ARHGAP30: variants seen among roughly 807,000 people sequenced by gnomAD.
The protein encoded by ARHGAP30 is rho GTPase-activating protein 30.
ARHGAP30 carries 23 observed loss-of-function variants against 72.0 expected under a neutral mutation model. The observed-to-expected ratio is 0.32, with a 90% confidence interval of 0.23 to 0.45. The LOEUF (loss-of-function observed/expected upper bound fraction) is 0.45. Ranked by LOEUF, ARHGAP30 falls within the 20% of genes least tolerant of loss-of-function variation. The pLI, the probability that ARHGAP30 is intolerant of heterozygous loss-of-function variation, is 1.00. For synonymous variants in ARHGAP30, 576 were observed against 528.2 expected, an observed-to-expected ratio of 1.09 and a Z score of -1.24; for missense variants, 1,319 against 1,383.4, an observed-to-expected ratio of 0.95 and a Z score of 0.74.
chr1:161,069,750 T>A lies in ARHGAP30; in HGVS notation c.-126A>T. Reference sequence around the variant, plus strand: ...GCCCCAGGGGGGCAGGGCTCCCAATTGGGGGTGGAGGGTGGCCTGGGCAAC... The same window carrying A: ...GCCCCAGGGGGGCAGGGCTCCCAATAGGGGGTGGAGGGTGGCCTGGGCAAC... On this transcript the variant is annotated 5_prime_UTR_variant, in exon 1 of 12. Coordinates refer to ENST00000368013, the MANE Select transcript of ARHGAP30 (RefSeq NM_001025598.2). The surrounding 1 kb of genome is among the most constrained non-coding windows in gnomAD (Gnocchi z 4.9). 9.5e-7 allele frequency: 1 copy of A among 1,052,742 alleles called. No individual in the cohort carries two copies. Among genetic ancestry groups the A allele is most frequent in the African/African-American group, 1.6e-5 (1 of 62,378 alleles). The allele number at this position is 1,052,742 out of a possible 1,614,324, so 65.2% of individuals were successfully genotyped here. A position where few individuals can be genotyped will look rare whatever the true frequency, so the allele number is the denominator to read the frequency against.
At chr1:161,055,668 C>T (rs1051925568) in intron 3 of ARHGAP30, among the ~76,000 whole-genome samples, 2 of 151,550 alleles carry the variant, frequency 1.3e-5, no homozygotes, top group African/African-American at 4.9e-5. Context: ...GCGGGCTCTC[C>T]AGCTACTCGG....
At chr1:161,062,739 G>GA (rs1482233084) in intron 1 of ARHGAP30, among the ~76,000 whole-genome samples, 2 of 150,988 alleles carry the variant, frequency 1.3e-5, no homozygotes, top group Non-Finnish European at 3.0e-5. Flanking sequence ...AAAAAAAAAA[G>GA]AAAAAAAGCA....
At chr1:161,052,017 ACCACCACC>A (rs1557920873) in intron 9 of ARHGAP30, among the ~76,000 whole-genome samples, 1 of 63,508 alleles carries the variant, frequency 1.6e-5, no homozygotes, top group Non-Finnish European at 3.0e-5. Context: ...CACCACCACC[ACCACCACC>A]ACCACCACCA....
rs1369464089 is a variant in ARHGAP30 at position 161,052,518 on chromosome 1, T to C, written c.862A>G (p.Lys288Glu). The C allele has an allele frequency of 6.2e-7, 1 of 1,613,994 alleles. No homozygotes were observed. The stretch of plus-strand genomic sequence containing the variant: ...CCTAAATTGAAGATAGACCTCCACT[T>C]CCTGACCTTCAAAGACCCCTTCCTC... ...HKRKGSLKVR[K>E]WRSIFNLGRS... is the part of the protein sequence containing the mutation. Residue 288 changes from lysine (K) to glutamate (E), a missense_variant, in exon 8 of 12, where the codon AAG (lysine) becomes GAG (glutamate). Physicochemically the swap from Lys to Glu is moderately conservative, Grantham distance 56. Transcript: ENST00000368013.
intron 1 of ARHGAP30, among the ~76,000 whole-genome samples, chr1:161,064,742 G>A (rs1652559423): frequency 1.4e-5 from 2 of 143,276 alleles, no homozygotes; most frequent in Admixed American, 7.3e-5. Context: ...CGGCAACAGA[G>A]TAAGACAAGA....
chr1:161,053,462 T>TTCTCTCTC (rs57196073), intron 5 of ARHGAP30, 77 bp from the exon 6 acceptor site: 14,688 of 686,834 alleles, frequency 0.021, 282 homozygotes, highest in Admixed American at 0.036. Flanking sequence ...AAATACCTTA[T>TTCTCTCTC]TCTCTCTCTC....
At chr1:161,062,544 C>A (rs1458683266) in intron 1 of ARHGAP30, among the ~76,000 whole-genome samples, 3 of 151,972 alleles carry the variant, frequency 2.0e-5, no homozygotes, top group South Asian at 4.1e-4. Flanking sequence ...GCCTGGCCAA[C>A]ATAGCAAAAC....
In ARHGAP30 at chr1:161,054,101, T is replaced by C. The variant is rs557045332; in HGVS notation, c.536+265A>G. ...ACAAAAAATTGATATGGAACTGTTA[T>C]GTTCCAGTCCCTGAGCTCAGTGACA... On this transcript the variant is annotated intron_variant, in intron 5 of 11. Transcript: ENST00000368013. 5.3e-5 allele frequency among the ~76,000 whole-genome samples: 8 copies of C among 152,274 alleles called. No individual in the cohort carries two copies. In the East Asian group the frequency reaches 9.7e-4, roughly 18 times the overall value.
rs1040805202 is a variant in ARHGAP30, at chr1:161,069,811, C to T, written c.-187G>A. On this transcript the variant is annotated 5_prime_UTR_variant, in exon 1 of 12. The change creates a new upstream start codon in the 5' untranslated region. Transcript: ENST00000368013. The surrounding 1 kb of genome is among the most constrained non-coding windows in gnomAD (Gnocchi z 4.9). ...TCCTGCCCCTGGGGCCCCGGCCACA[C>T]GGAAGTGGCTGTTGAAGAGGAAGCT... 5.0e-6 allele frequency: 3 copies of T among 602,556 alleles called. No individual in the cohort carries two copies. The highest frequency in any genetic ancestry group is 3.0e-5 in the Admixed American group (1 of 33,650). The allele number at this position is 602,556 out of a possible 1,614,324, so 37.3% of individuals were successfully genotyped here. A position where few individuals can be genotyped will look rare whatever the true frequency, so the allele number is the denominator to read the frequency against.
chr1:161,056,614 G>A lies in ARHGAP30; in HGVS notation c.201-82C>T, dbSNP rs574656580. On this transcript the variant is annotated intron_variant, in intron 2 of 11. Coordinates refer to ENST00000368013, the MANE Select transcript of ARHGAP30 (RefSeq NM_001025598.2). ...TGGGTCCCTATAGAGATGGGTCCCG[G>A]CATGGTCGTGGGTCAACATGTGTTG... 8 of 1,468,620 alleles carry A rather than the reference G, an allele frequency of 5.4e-6. No homozygotes were observed. The Admixed American group carries it at 1.2e-4, about 22-fold the overall frequency. 91.0% of individuals were successfully genotyped at this position (1,468,620 alleles called of 1,614,324 possible).
intron 1 of ARHGAP30, among the ~76,000 whole-genome samples, chr1:161,067,100 G>A (rs933907067): frequency 6.6e-6 from 1 of 152,110 alleles, no homozygotes; most frequent in Non-Finnish European, 1.5e-5. Flanking sequence ...GGAGATGGGG[G>A]AAGAGACAAC....
At chr1:161,051,090 A>G (rs1000396299) in intron 10 of ARHGAP30, among the ~76,000 whole-genome samples, 1 of 152,218 alleles carries the variant, frequency 6.6e-6, no homozygotes, top group Non-Finnish European at 1.5e-5. Context: ...GGGTACATCA[A>G]TGTTCTGAAG....
chr1:161,049,743 C>G lies in ARHGAP30; in HGVS notation c.1421-54G>C. On this transcript the variant is annotated intron_variant, in intron 10 of 11. Coordinates refer to ENST00000368013, the MANE Select transcript of ARHGAP30 (RefSeq NM_001025598.2). ...ACAAAGGTCAAGCCCTGACCCTTTT[C>G]AGTGTGAGTCCTCCTAGCATTGATA... The G allele has an allele frequency of 5.1e-6, 8 of 1,572,568 alleles. No homozygotes were observed. The Admixed American group carries it at 7.0e-5, about 14-fold the overall frequency.
chr1:161,052,847 A>T, intron 6 of ARHGAP30, 50 bp from the exon 7 acceptor site: 1 of 1,587,464 alleles, frequency 6.3e-7, no homozygotes, highest in Non-Finnish European at 8.6e-7. Flanking sequence ...CAAGAGAGGG[A>T]CCTCAGGCAC....
intron 10 of ARHGAP30, 131 bp downstream of exon 10, chr1:161,051,183 G>C: frequency 7.0e-7 from 1 of 1,433,890 alleles, no homozygotes; most frequent in Non-Finnish European, 9.2e-7. Context: ...TAGGGAGGCA[G>C]CTAAAGGTAA....
intron 2 of ARHGAP30, among the ~76,000 whole-genome samples, chr1:161,057,369 G>A (rs1159572405): frequency 6.6e-6 from 1 of 151,934 alleles, no homozygotes; most frequent in Non-Finnish European, 1.5e-5. Flanking sequence ...CATAGGAAAG[G>A]GGGAAAAAAT....
At chr1:161,064,875 A>G (rs1652648325) in intron 1 of ARHGAP30, among the ~76,000 whole-genome samples, 1 of 148,392 alleles carries the variant, frequency 6.7e-6, no homozygotes, top group African/African-American at 2.5e-5. Flanking sequence ...AAGGAGAGGA[A>G]GGAGAGAAAA....
At position 161,051,434 on chromosome 1, in the gene ARHGAP30, T is replaced by A. The variant is rs1651357920; in HGVS notation, c.1300A>T (p.Ile434Phe). The change falls in exon 10 of 12, where the codon ATC (isoleucine) becomes TTC (phenylalanine). Residue 434 changes from isoleucine (I) to phenylalanine (F), a missense_variant. This residue lies in a region of ARHGAP30 where 1,097 missense variants were observed against 1,045.2 expected (regional missense o/e 1.05). Coordinates refer to ENST00000368013, the MANE Select transcript of ARHGAP30 (RefSeq NM_001025598.2). ...ITSILSVPPN[I>F]ISNVSLARLT... ...CTGGCCAAGGAAACGTTAGAGATGA[T>A]GTTCGGGGGCACACTGAGGATAGAG... is the stretch of plus-strand genomic sequence containing the variant. The A allele has an allele frequency of 6.2e-7, 1 of 1,614,068 alleles. No homozygotes were observed. The highest frequency in any genetic ancestry group is 1.7e-5 in the Admixed American group (1 of 60,012).
intron 3 of ARHGAP30, among the ~76,000 whole-genome samples, chr1:161,055,447 C>A (rs1459234803): frequency 2.6e-5 from 4 of 151,320 alleles, no homozygotes; most frequent in Non-Finnish European, 4.4e-5. Context: ...GAGCTGTGAT[C>A]ACACCACTGC....
Sources: allele counts gnomAD v4.1 joint callset (sites outside exome capture counted in the v4.1 genomes callset), GRCh38; gene constraint gnomAD v4.1.1; regional missense constraint gnomAD v4.1.1; non-coding constraint Gnocchi (gnomAD v3.1); transcripts MANE v1.5; gene names NCBI Gene and HGNC (gene_info 2026-07-23, HGNC 2026-07-21).